NDUFAF6: variants seen among roughly 807,000 people sequenced by gnomAD.
NDUFAF6 encodes the protein NADH dehydrogenase (ubiquinone) complex I, assembly factor 6.
NDUFAF6 carries 45 observed loss-of-function variants against 40.8 expected under a neutral mutation model. That is an observed-to-expected ratio of 1.10 (90% CI 0.87 to 1.42). The LOEUF is 1.42. Among genes scored for constraint, NDUFAF6 ranks in the 40% most tolerant of loss-of-function variants. The probability of loss-of-function intolerance (pLI) is 0.00; values close to 1 mark genes in which losing one functional copy is unlikely to be tolerated. For missense variants in NDUFAF6, 435 were observed against 418.5 expected (o/e 1.04, Z -0.34); for synonymous variants, 185 against 155.9 (o/e 1.19, Z -1.39).
downstream of NDUFAF6, among the ~76,000 whole-genome samples, chr8:95,118,006 T>C (rs1342480384): frequency 6.6e-6 from 1 of 152,254 alleles, no homozygotes; most frequent in Non-Finnish European, 1.5e-5. Flanking sequence ...CGGCAGTTCT[T>C]GCTTGGGTCT....
intron 2 of NDUFAF6, among the ~76,000 whole-genome samples, chr8:94,983,000 A>G (rs1036849678): frequency 1.3e-5 from 2 of 152,230 alleles, no homozygotes; most frequent in African/African-American, 4.8e-5. Context: ...TTTTTGGTGT[A>G]GTCTTGGGCA....
In NDUFAF6 at chr8:95,025,251, G is replaced by A. The variant is rs1275892559; in HGVS notation, c.197+46G>A. 1.0e-5 allele frequency: 14 copies of A among 1,352,144 alleles called. No individual in the cohort carries two copies. In the Admixed American group the frequency reaches 1.2e-4, roughly 12 times the overall value. 83.8% of individuals were successfully genotyped at this position (1,352,144 alleles called of 1,614,324 possible). A position where few individuals can be genotyped will look rare whatever the true frequency, so the allele number is the denominator to read the frequency against. On this transcript the variant is annotated intron_variant, in intron 1 of 8. Transcript: ENST00000396124. ...CTGGCGCGGCGGGAAGCGGGGTCCC[G>A]GGGTGGGAGCGGCTGCGCCTCGCGT...
chr8:94,992,129 T>C lies in NDUFAF6; in HGVS notation c.-84+11156T>C, dbSNP rs1013213210. Among the ~76,000 whole-genome samples the C allele has an allele frequency of 4.6e-5, 7 of 152,310 alleles. 1 individual carries two copies. The highest frequency in any genetic ancestry group is 3.4e-3 in the Middle Eastern group (1 of 294). On this transcript the variant is annotated intron_variant, in intron 2 of 9. Coordinates refer to the NDUFAF6 transcript ENST00000396111. ...ATGTATGAGGGTGTACAGTAAACTATTAGAAGTGGGCACTTACAGAAGGTA... is the reference window on the plus strand; with the variant it reads ...ATGTATGAGGGTGTACAGTAAACTACTAGAAGTGGGCACTTACAGAAGGTA...
At chr8:95,024,973 A>G (rs1827885110), upstream of NDUFAF6, 9 of 1,292,508 alleles carry the variant, frequency 7.0e-6, no homozygotes, top group South Asian at 1.3e-4. Context: ...CTGCGCGCCG[A>G]CGGCGGGGGG....
intron 2 of NDUFAF6, among the ~76,000 whole-genome samples, chr8:94,997,238 G>C (rs1185353560): frequency 6.7e-6 from 1 of 149,690 alleles, no homozygotes; most frequent in East Asian, 2.0e-4. Context: ...CAATGGCCTG[G>C]GGCCAACCTG....
chr8:95,065,502 A>G (rs1832682182), intron 9 of NDUFAF6, among the ~76,000 whole-genome samples: 1 of 152,150 alleles, frequency 6.6e-6, no homozygotes, highest in African/African-American at 2.4e-5. Context: ...TTTAGTCTAC[A>G]TTTTAATTTA....
chr8:95,049,775 C>T (rs892704901), intron 7 of NDUFAF6, among the ~76,000 whole-genome samples: 3 of 152,126 alleles, frequency 2.0e-5, no homozygotes, highest in South Asian at 2.1e-4. Context: ...CCTCAGTCTC[C>T]TTACCTGGCT....
intron 1 of NDUFAF6, among the ~76,000 whole-genome samples, chr8:94,959,611 G>A (rs560870403): frequency 6.6e-6 from 1 of 151,168 alleles, no homozygotes; most frequent in African/African-American, 2.4e-5. Flanking sequence ...GCTCACTGCA[G>A]CCTCTACCTC....
At chr8:95,031,286 C>G (rs1402629102) in intron 1 of NDUFAF6, among the ~76,000 whole-genome samples, 1 of 152,162 alleles carries the variant, frequency 6.6e-6, no homozygotes, top group Non-Finnish European at 1.5e-5. Flanking sequence ...TGCAAGGAAA[C>G]GTATGTGTGC....
chr8:94,918,030 A>AGTTGTTTCT (rs1270328596), intron 1 of NDUFAF6, among the ~76,000 whole-genome samples: 1 of 152,144 alleles, frequency 6.6e-6, no homozygotes, highest in Non-Finnish European at 1.5e-5. Flanking sequence ...AAACTTTGTA[A>AGTTGTTTCT]GTTGTTTCTT....
intron 2 of NDUFAF6, among the ~76,000 whole-genome samples, chr8:95,017,377 G>T (rs1026845477): frequency 1.3e-5 from 2 of 152,064 alleles, no homozygotes; most frequent in African/African-American, 4.8e-5. Flanking sequence ...TAAGCAACCT[G>T]ACTTTCCTTT....
upstream of NDUFAF6, chr8:94,957,999 C>T (rs1169016857): frequency 1.3e-5 from 2 of 152,432 alleles, no homozygotes; most frequent in South Asian, 2.1e-4. Context: ...CTCCAGGTCT[C>T]TTCTTCGGCC....
chr8:95,002,682 C>T (rs1328411852), intron 2 of NDUFAF6, among the ~76,000 whole-genome samples: 2 of 152,124 alleles, frequency 1.3e-5, no homozygotes, highest in Non-Finnish European at 2.9e-5. Context: ...TTATTCAGTA[C>T]CTGTTATGCT....
At chr8:95,088,860 A>G (rs1228961005) in intron 2 of NDUFAF6, among the ~76,000 whole-genome samples, 1 of 151,792 alleles carries the variant, frequency 6.6e-6, no homozygotes, top group East Asian at 1.9e-4. Flanking sequence ...TCCCGGGCTC[A>G]AGTGATTCTC....
At chr8:94,968,616 G>A (rs1371280248) in intron 1 of NDUFAF6, among the ~76,000 whole-genome samples, 2 of 152,188 alleles carry the variant, frequency 1.3e-5, no homozygotes, top group Non-Finnish European at 2.9e-5. Flanking sequence ...TCAGAGAGGT[G>A]GGGTGGGATC....
At chr8:95,050,602 C>A (rs1212164580) in intron 7 of NDUFAF6, among the ~76,000 whole-genome samples, 1 of 152,112 alleles carries the variant, frequency 6.6e-6, no homozygotes, top group African/African-American at 2.4e-5. Flanking sequence ...TAATGAAGTG[C>A]AGCATATTGT....
intron 8 of NDUFAF6, among the ~76,000 whole-genome samples, chr8:95,055,985 A>G (rs1304985992): frequency 6.6e-6 from 1 of 152,082 alleles, no homozygotes; most frequent in Non-Finnish European, 1.5e-5. Context: ...CCTTGCTTTT[A>G]TTCCAAGAAG....
chr8:95,008,438 C>G (rs981635652), intron 2 of NDUFAF6, among the ~76,000 whole-genome samples: 37 of 152,198 alleles, frequency 2.4e-4, no homozygotes, highest in Admixed American at 1.8e-3. Flanking sequence ...AGATCACAAG[C>G]TCCTTACAAA....
intron 1 of NDUFAF6, among the ~76,000 whole-genome samples, chr8:94,973,962 G>A (rs1283321308): frequency 6.6e-6 from 1 of 151,946 alleles, no homozygotes; most frequent in African/African-American, 2.4e-5. Context: ...AAACCACTCA[G>A]TCTATGGTAT....
Sources: allele counts gnomAD v4.1 joint callset (sites outside exome capture counted in the v4.1 genomes callset), GRCh38; gene constraint gnomAD v4.1.1; transcripts MANE v1.5; gene names NCBI Gene and HGNC (gene_info 2026-07-23, HGNC 2026-07-21).